The following NOS1AP variants were observed in gnomAD, a reference collection of about 807,000 sequenced individuals.
NOS1AP encodes nitric oxide synthase 1 adaptor protein, also known as carboxyl-terminal PDZ ligand of neuronal nitric oxide synthase protein.
Under a neutral mutation model 56.2 loss-of-function variants are expected in NOS1AP, and 21 were observed. The ratio of observed to expected loss-of-function variants is 0.37; its 90% CI spans 0.26 to 0.54. The LOEUF (loss-of-function observed/expected upper bound fraction) is 0.54. Among genes scored for constraint, NOS1AP ranks in the 20% least tolerant of loss-of-function variants. NOS1AP has a pLI of 0.84. For missense variants in NOS1AP, 522 were observed against 657.8 expected (o/e 0.79, Z 2.26); for synonymous variants, 270 against 274.6 (o/e 0.98, Z 0.17).
At chr1:162,200,552 C>T (rs1026648469) in intron 2 of NOS1AP, among the ~76,000 whole-genome samples, 2 of 152,116 alleles carry the variant, frequency 1.3e-5, no homozygotes, top group African/African-American at 2.4e-5. Context: ...CTCCAGAGAG[C>T]GTTGAGACTC....
intron 1 of NOS1AP, among the ~76,000 whole-genome samples, chr1:162,117,430 A>G (rs1320847337): frequency 1.3e-5 from 2 of 152,124 alleles, no homozygotes; most frequent in African/African-American, 4.8e-5. Context: ...CTTTCTCTAG[A>G]CAGGGATGCA....
intron 2 of NOS1AP, among the ~76,000 whole-genome samples, chr1:162,256,417 CT>C (rs1034394199): frequency 1.3e-5 from 2 of 152,310 alleles, no homozygotes; most frequent in East Asian, 3.9e-4. Flanking sequence ...AATCTAACTC[CT>C]TGTGAGTCCT....
rs546301512 is a variant in NOS1AP, at chr1:162,259,064, C to T, written c.178-28280C>T. Among the ~76,000 whole-genome samples, 12 of 152,224 alleles carry T rather than the reference C, an allele frequency of 7.9e-5. No homozygotes were observed. The South Asian group carries it at 8.3e-4, about 11-fold the overall frequency. ...GAGGGAGACTAGAAAAGACAACCTG[C>T]GGCCTCCAATAAGGTTGTTGGGTTA... On this transcript the variant is annotated intron_variant, in intron 2 of 9. Transcript: ENST00000361897.
At chr1:162,321,731 AAT>A (rs66879950) in intron 4 of NOS1AP, among the ~76,000 whole-genome samples, 12,202 of 128,368 alleles carry the variant, frequency 0.095, 692 homozygotes, top group South Asian at 0.13. Context: ...AAAAAAAAAA[AAT>A]ATATATATAT....
chr1:162,123,394 A>G (rs930902109), intron 1 of NOS1AP, among the ~76,000 whole-genome samples: 4 of 152,040 alleles, frequency 2.6e-5, no homozygotes, highest in Non-Finnish European at 4.4e-5. Context: ...CTGGTCTCGA[A>G]CTTCTGACCT....
chr1:162,253,346 A>T (rs186932072), intron 2 of NOS1AP, among the ~76,000 whole-genome samples: 1 of 152,180 alleles, frequency 6.6e-6, no homozygotes, highest in Non-Finnish European at 1.5e-5. Flanking sequence ...ATATCCTGTT[A>T]TAGGTGCAAA....
At chr1:162,312,376 GTC>G (rs1457485243) in intron 4 of NOS1AP, among the ~76,000 whole-genome samples, 1 of 139,384 alleles carries the variant, frequency 7.2e-6, no homozygotes, top group Non-Finnish European at 1.5e-5. Flanking sequence ...CTGCATAAAT[GTC>G]TTCTTTTGAG....
At chr1:162,263,513 G>T (rs1250139676) in intron 2 of NOS1AP, among the ~76,000 whole-genome samples, 1 of 152,160 alleles carries the variant, frequency 6.6e-6, no homozygotes, top group African/African-American at 2.4e-5. Context: ...GAGACACATT[G>T]CAATCATAGC....
At chr1:162,136,635 C>A (rs1649017058) in intron 1 of NOS1AP, among the ~76,000 whole-genome samples, 1 of 152,108 alleles carries the variant, frequency 6.6e-6, no homozygotes, top group Non-Finnish European at 1.5e-5. Context: ...TTCTCATGTG[C>A]TGCAGAGGTG....
intron 1 of NOS1AP, among the ~76,000 whole-genome samples, chr1:162,079,161 G>A (rs1032338079): frequency 6.6e-6 from 1 of 152,002 alleles, no homozygotes; most frequent in South Asian, 2.1e-4. Flanking sequence ...CCCCAGCATG[G>A]CCTCTTTCTG....
At chr1:162,098,901 T>C (rs764309018) in intron 1 of NOS1AP, among the ~76,000 whole-genome samples, 4 of 152,230 alleles carry the variant, frequency 2.6e-5, no homozygotes, top group African/African-American at 9.6e-5. Context: ...ATTTTCTTTA[T>C]CCAGTGTATC....
rs35946766 is a variant in NOS1AP at position 162,324,416 on chromosome 1, CTTTTTTT to C, written c.345-8579_345-8573del. Reference sequence around the variant, plus strand: ...TAGTGGTTTTGTGAGGGACACTAGCCTTTTTTTTTTTTTTTTTTTTTTTTTTTTGCCT... The same window carrying C: ...TAGTGGTTTTGTGAGGGACACTAGCCTTTTTTTTTTTTTTTTTTTTTGCCT... On this transcript the variant is annotated intron_variant, in intron 4 of 9. Coordinates refer to ENST00000361897, the MANE Select transcript of NOS1AP (RefSeq NM_014697.3). Among the ~76,000 whole-genome samples, 89 of 72,138 alleles carry C rather than the reference CTTTTTTT, an allele frequency of 1.2e-3. 1 individual carries two copies. Among genetic ancestry groups the C allele is most frequent in the African/African-American group, 2.5e-3 (50 of 20,246 alleles). The allele number at this position is 72,138 out of a possible 152,430, so 47.3% of individuals were successfully genotyped here.
At chr1:162,212,109 C>T (rs1207218548) in intron 2 of NOS1AP, among the ~76,000 whole-genome samples, 4 of 152,294 alleles carry the variant, frequency 2.6e-5, no homozygotes, top group African/African-American at 4.8e-5. Context: ...GAGTTTTCCT[C>T]CCTCGGGTTG....
chr1:162,108,616 C>A (rs1037881701), intron 1 of NOS1AP, among the ~76,000 whole-genome samples: 4 of 151,796 alleles, frequency 2.6e-5, no homozygotes, highest in Admixed American at 6.6e-5. Context: ...ATTCCTAGTT[C>A]ATGGATCTAG....
chr1:162,113,319 C>T (rs564092983), intron 1 of NOS1AP, among the ~76,000 whole-genome samples: 1 of 152,156 alleles, frequency 6.6e-6, no homozygotes, highest in African/African-American at 2.4e-5. Context: ...GACGTCCACA[C>T]CTCAAGCCTG....
intron 1 of NOS1AP, among the ~76,000 whole-genome samples, chr1:162,137,668 G>C (rs1378179207): frequency 6.6e-6 from 1 of 151,924 alleles, no homozygotes; most frequent in African/African-American, 2.4e-5. Context: ...TCCTCATTCT[G>C]CTGTCTGACG....
At chr1:162,138,595 G>C (rs1467181204) in intron 1 of NOS1AP, among the ~76,000 whole-genome samples, 1 of 152,176 alleles carries the variant, frequency 6.6e-6, no homozygotes, top group African/African-American at 2.4e-5. Flanking sequence ...TGGCAAGCTG[G>C]AGCCAGAGGC....
At chr1:162,127,099 CT>C (rs1413803282) in intron 1 of NOS1AP, among the ~76,000 whole-genome samples, 5 of 151,866 alleles carry the variant, frequency 3.3e-5, no homozygotes, top group African/African-American at 1.2e-4. Flanking sequence ...CTGCTTATAT[CT>C]TTTGCCATAT....
At chr1:162,347,745 A>T (rs1657350504) in intron 6 of NOS1AP, among the ~76,000 whole-genome samples, 1 of 152,144 alleles carries the variant, frequency 6.6e-6, no homozygotes, top group South Asian at 2.1e-4. Flanking sequence ...ATCACTTCCT[A>T]TACTTTTCTT....
Sources: allele counts gnomAD v4.1 joint callset (sites outside exome capture counted in the v4.1 genomes callset), GRCh38; gene constraint gnomAD v4.1.1; transcripts MANE v1.5; gene names NCBI Gene and HGNC (gene_info 2026-07-23, HGNC 2026-07-21).